Variants in HAPLN1 observed in about 807,000 individuals in gnomAD.
HAPLN1 encodes Cartilage link protein.
A neutral mutation model predicts 36.5 loss-of-function variants in HAPLN1; 13 were observed. The observed-to-expected ratio is 0.36, with a 90% CI of 0.23 to 0.57. HAPLN1 has a LOEUF of 0.57. HAPLN1 is among the 20% of genes least tolerant of loss of function. The pLI is 0.83. For missense variants in HAPLN1, 407 were observed against 439.7 expected (o/e 0.93, Z 0.66); for synonymous variants, 202 against 169.8 (o/e 1.19, Z -1.48).
chr5:83,708,970 G>A (rs1751714704), intron 1 of HAPLN1, among the ~76,000 whole-genome samples: 1 of 152,088 alleles, frequency 6.6e-6, no homozygotes, highest in Non-Finnish European at 1.5e-5. Context: ...TTCCCTCCAA[G>A]GTTCAAGCTG....
intron 1 of HAPLN1, among the ~76,000 whole-genome samples, chr5:83,718,135 C>G (rs1174207890): frequency 2.6e-5 from 4 of 152,204 alleles, no homozygotes. Flanking sequence ...AGTTATTAAG[C>G]TATATCCTTG....
intron 1 of HAPLN1, among the ~76,000 whole-genome samples, chr5:83,676,783 C>T (rs1029955868): frequency 7.2e-5 from 11 of 152,186 alleles, no homozygotes; most frequent in Admixed American, 7.2e-4. Context: ...TTAGTGCTCT[C>T]AGTTCACCTG....
At position 83,652,632 on chromosome 5, in the gene HAPLN1, A is replaced by G. The variant is rs749148661; in HGVS notation, c.293T>C (p.Met98Thr). 6.8e-6 allele frequency: 11 copies of G among 1,614,038 alleles called. No individual in the cohort carries two copies. Among genetic ancestry groups the G allele is most frequent in the South Asian group, 1.1e-5 (1 of 91,088 alleles). ...YLKEVDVFVSMGYHKKTYGGY... is the reference protein window; with the variant it reads ...YLKEVDVFVSTGYHKKTYGGY... ...TCCATAGGTTTTTTTGTGGTATCCCATGGAAACAAAAACATCCACTTCCTT... is the reference window on the plus strand; with the variant it reads ...TCCATAGGTTTTTTTGTGGTATCCCGTGGAAACAAAAACATCCACTTCCTT... The change falls in exon 3 of 5, where the codon ATG becomes ACG. Residue 98 changes from methionine (M) to threonine (T), a missense_variant. Coordinates refer to ENST00000274341, the MANE Select transcript of HAPLN1 (RefSeq NM_001884.4).
intron 1 of HAPLN1, among the ~76,000 whole-genome samples, chr5:83,702,146 G>T (rs975874998): frequency 6.6e-6 from 1 of 152,134 alleles, no homozygotes; most frequent in Non-Finnish European, 1.5e-5. Context: ...AGAGAAGTGT[G>T]TAAGCTCAGA....
chr5:83,665,718 T>C (rs1405774442), intron 2 of HAPLN1, among the ~76,000 whole-genome samples: 2 of 152,228 alleles, frequency 1.3e-5, no homozygotes, highest in African/African-American at 2.4e-5. Flanking sequence ...TCTGTTTTTC[T>C]TTTGAGTCAA....
At chr5:83,654,367 A>G (rs1431650278) in intron 2 of HAPLN1, among the ~76,000 whole-genome samples, 5 of 152,234 alleles carry the variant, frequency 3.3e-5, no homozygotes, top group Non-Finnish European at 5.9e-5. Context: ...TTTATATTCC[A>G]TTCTTGATCT....
intron 2 of HAPLN1, among the ~76,000 whole-genome samples, chr5:83,658,464 T>A (rs565306633): frequency 3.9e-5 from 6 of 152,236 alleles, no homozygotes; most frequent in African/African-American, 1.2e-4. Context: ...CCACACTACC[T>A]CTCTAAAATG....
chr5:83,644,307 T>TA (rs1430613390), intron 4 of HAPLN1, 56 bp downstream of exon 4: 2 of 1,260,180 alleles, frequency 1.6e-6, no homozygotes, highest in African/African-American at 3.1e-5. Flanking sequence ...AGTGTAGTGT[T>TA]ATAGTATGGA....
rs1031983878 is a variant in HAPLN1, at chr5:83,679,372, A to G, written c.-26-5823T>C. Among the ~76,000 whole-genome samples, 4 of 152,288 alleles carry G rather than the reference A, an allele frequency of 2.6e-5. No individual in the cohort carries two copies. The East Asian group carries it at 7.7e-4, about 29-fold the overall frequency. On this transcript the variant is annotated intron_variant, in intron 1 of 4. Coordinates refer to ENST00000274341, the MANE Select transcript of HAPLN1 (RefSeq NM_001884.4). ...CATGTCTCAGAACCTGCATTCTTAA[A>G]TTTACGAAAAATTTATATTCCTTTT...
intron 1 of HAPLN1, among the ~76,000 whole-genome samples, chr5:83,717,252 A>G (rs1237651221): frequency 6.6e-6 from 1 of 152,178 alleles, no homozygotes; most frequent in East Asian, 1.9e-4. Context: ...TTTATTTTAT[A>G]TAATTGATGA....
chr5:83,666,073 C>T (rs754959014), intron 2 of HAPLN1, among the ~76,000 whole-genome samples: 12 of 152,050 alleles, frequency 7.9e-5, no homozygotes, highest in South Asian at 4.1e-4. Flanking sequence ...GCTTTAAAAA[C>T]GATTTCATTT....
At chr5:83,673,379 C>T (rs770029046) in intron 2 of HAPLN1, 45 bp downstream of exon 2, 1 of 1,353,882 alleles carries the variant, frequency 7.4e-7, no homozygotes, top group African/African-American at 1.5e-5. Context: ...CTCTAAGTAA[C>T]TTAAAATTAA....
At position 83,641,059 on chromosome 5, in the gene HAPLN1, G is replaced by A. The variant is rs1200625921; in HGVS notation, c.*437C>T. The A allele has an allele frequency of 1.3e-5, 2 of 152,488 alleles. No individual in the cohort carries two copies. Among genetic ancestry groups the A allele is most frequent in the African/African-American group, 2.4e-5 (1 of 41,424 alleles). 9.4% of individuals were successfully genotyped at this position (152,488 alleles called of 1,614,324 possible). On this transcript the variant is annotated 3_prime_UTR_variant, in exon 5 of 5. Transcript: ENST00000274341. ...ATAACCTCTCAGTTTATGTAAAGAA[G>A]CCTGTATTTCAAATGTGTTGCTCTA...
intron 3 of HAPLN1, 130 bp downstream of exon 3, chr5:83,652,323 A>G: frequency 3.4e-6 from 3 of 876,368 alleles, no homozygotes; most frequent in Non-Finnish European, 5.3e-6. Context: ...ATACAAAAGA[A>G]TAAGATGCCA....
At chr5:83,700,407 T>A (rs1013320859) in intron 1 of HAPLN1, among the ~76,000 whole-genome samples, 1 of 152,118 alleles carries the variant, frequency 6.6e-6, no homozygotes, top group Non-Finnish European at 1.5e-5. Context: ...CCATCATGAT[T>A]CAAAATTTAG....
intron 1 of HAPLN1, among the ~76,000 whole-genome samples, chr5:83,714,138 G>GCAACAGGATGTCAGGCATT (rs1366569313): frequency 6.6e-6 from 1 of 152,058 alleles, no homozygotes; most frequent in Admixed American, 6.6e-5. Flanking sequence ...ACCAACAGCG[G>GCAACAGGATGTCAGGCATT]CAACAGGATG....
chr5:83,666,108 T>A (rs1360537856), intron 2 of HAPLN1, among the ~76,000 whole-genome samples: 1 of 152,226 alleles, frequency 6.6e-6, no homozygotes, highest in African/African-American at 2.4e-5. Flanking sequence ...ATTAGTTTGA[T>A]AACCTCTTGA....
At chr5:83,696,521 T>C (rs1424776726) in intron 1 of HAPLN1, among the ~76,000 whole-genome samples, 3 of 152,112 alleles carry the variant, frequency 2.0e-5, no homozygotes, top group African/African-American at 4.8e-5. Context: ...ACTTTAAGAT[T>C]TATAATAAAG....
chr5:83,667,265 TTCC>T (rs1750578195), intron 2 of HAPLN1, among the ~76,000 whole-genome samples: 1 of 152,184 alleles, frequency 6.6e-6, no homozygotes, highest in African/African-American at 2.4e-5. Flanking sequence ...TATGGTGATA[TTCC>T]AAGTTTGATC....
Sources: gnomAD v4.1 joint callset for allele counts (sites outside exome capture counted in the v4.1 genomes callset) on GRCh38, gnomAD v4.1.1 for gene constraint, MANE v1.5 for transcripts, NCBI Gene and HGNC (gene_info 2026-07-23, HGNC 2026-07-21) for gene names.